YWHAQ: variants seen among roughly 807,000 people sequenced by gnomAD.
YWHAQ encodes the protein 14-3-3 protein theta.
Under a neutral mutation model 28.3 loss-of-function variants are expected in YWHAQ, and 6 were observed. The observed-to-expected ratio is 0.21, with a 90% CI of 0.12 to 0.42. YWHAQ has a LOEUF of 0.42. Among genes scored for constraint, YWHAQ ranks in the 10% least tolerant of loss-of-function variants. YWHAQ has a pLI of 1.00. For synonymous variants in YWHAQ, 143 were observed against 119.1 expected (o/e 1.20, Z -1.31); for missense variants, 201 against 305.6 (o/e 0.66, Z 2.55).
At chr2:9,616,004 G>A (rs913876608) in intron 2 of YWHAQ, among the ~76,000 whole-genome samples, 1 of 152,258 alleles carries the variant, frequency 6.6e-6, no homozygotes, top group Non-Finnish European at 1.5e-5. Flanking sequence ...ACTATAGAAC[G>A]TAATAGTACC....
intron 2 of YWHAQ, among the ~76,000 whole-genome samples, chr2:9,593,999 A>G (rs1046203876): frequency 8.3e-5 from 12 of 143,948 alleles, no homozygotes; most frequent in Admixed American, 6.9e-4. Context: ...ACACACACAC[A>G]CGCACGCACA....
At chr2:9,592,893 A>G (rs1057161472) in intron 2 of YWHAQ, among the ~76,000 whole-genome samples, 1 of 152,240 alleles carries the variant, frequency 6.6e-6, no homozygotes, top group Admixed American at 6.5e-5. Flanking sequence ...TTAAGTACTC[A>G]GTAAATGTTA....
At chr2:9,623,955 TGAA>T (rs1320669274) in intron 2 of YWHAQ, among the ~76,000 whole-genome samples, 1 of 152,108 alleles carries the variant, frequency 6.6e-6, no homozygotes, top group Non-Finnish European at 1.5e-5. Context: ...GAGACAACTA[TGAA>T]GAAGTGGCAC....
rs774523757 is a variant in YWHAQ, at chr2:9,587,494, T to C, written c.598A>G (p.Ile200Val). Reference sequence around the variant, plus strand: ...TCATTCAGTGTATCAAGTTCAGCAATGGCCTCATCAAAAGCCTGATAAATA... The same window carrying C: ...TCATTCAGTGTATCAAGTTCAGCAACGGCCTCATCAAAAGCCTGATAAATA... The part of the protein sequence containing the change: ...TLAKTAFDEA[I>V]AELDTLNEDS... Residue 200 changes from isoleucine to valine, a missense_variant, in exon 5 of 6, where the codon ATT (isoleucine) becomes GTT (valine). Transcript: ENST00000238081. 2.4e-5 allele frequency: 38 copies of C among 1,604,196 alleles called. No homozygotes were observed. The highest frequency in any genetic ancestry group is 3.1e-5 in the Non-Finnish European group (36 of 1,174,512).
chr2:9,600,512 C>A (rs1198041591), intron 2 of YWHAQ, among the ~76,000 whole-genome samples: 1 of 151,998 alleles, frequency 6.6e-6, no homozygotes, highest in Non-Finnish European at 1.5e-5. Flanking sequence ...TCAAGACCAG[C>A]CTGACCAACA....
intron 2 of YWHAQ, among the ~76,000 whole-genome samples, chr2:9,611,149 C>CA (rs1666939819): frequency 6.6e-6 from 1 of 152,072 alleles, no homozygotes; most frequent in Non-Finnish European, 1.5e-5. Context: ...CTGAAGGATC[C>CA]AATGTACAGT....
chr2:9,624,558 T>C (rs11674917), intron 2 of YWHAQ, among the ~76,000 whole-genome samples: 7 of 152,046 alleles, frequency 4.6e-5, no homozygotes, highest in Non-Finnish European at 5.9e-5. Flanking sequence ...GAGTGTCCTG[T>C]GCACCGCATG....
At chr2:9,625,384 T>C (rs1277311533) in intron 2 of YWHAQ, among the ~76,000 whole-genome samples, 1 of 152,130 alleles carries the variant, frequency 6.6e-6, no homozygotes, top group Non-Finnish European at 1.5e-5. Context: ...TATAAGAAAG[T>C]CTTCAATATT....
intron 2 of YWHAQ, among the ~76,000 whole-genome samples, chr2:9,618,674 A>AT (rs34048944): frequency 0.2 from 26,626 of 134,574 alleles, 2,822 homozygotes; most frequent in Middle Eastern, 0.27. Flanking sequence ...CACTGTTTTG[A>AT]TTTTTTTTTT....
At chr2:9,604,213 A>T (rs534328100) in intron 2 of YWHAQ, among the ~76,000 whole-genome samples, 183 of 152,210 alleles carry the variant, frequency 1.2e-3, no homozygotes, top group African/African-American at 4.1e-3. Flanking sequence ...AGTTAGAAGA[A>T]TTTTTCTTAA....
intron 2 of YWHAQ, among the ~76,000 whole-genome samples, chr2:9,602,903 A>ATAT (rs1666744884): frequency 1.9e-4 from 21 of 111,076 alleles, no homozygotes; most frequent in Middle Eastern, 4.3e-3. Context: ...ATATATATAT[A>ATAT]GTAGGGACAC....
intron 2 of YWHAQ, among the ~76,000 whole-genome samples, chr2:9,606,533 G>T (rs1666832162): frequency 6.6e-6 from 1 of 152,198 alleles, no homozygotes; most frequent in Non-Finnish European, 1.5e-5. Context: ...CTGTGTGTGT[G>T]TGTGTATATT....
Position 9,587,460 on chromosome 2 carries a change from T to C in YWHAQ, c.632A>G (p.Tyr211Cys), listed in dbSNP as rs773765562. The C allele has an allele frequency of 1.2e-6, 2 of 1,611,880 alleles. No homozygotes were observed. Among genetic ancestry groups the C allele is most frequent in the Admixed American group, 1.7e-5 (1 of 59,940 alleles). Reference protein sequence around the residue: ...AELDTLNEDSYKDSTLIMQLL... With the variant: ...AELDTLNEDSCKDSTLIMQLL... Reference sequence around the variant, plus strand: ...CTGCATGATGAGGGTGCTGTCTTTGTATGAGTCTTCATTCAGTGTATCAAG... The same window carrying C: ...CTGCATGATGAGGGTGCTGTCTTTGCATGAGTCTTCATTCAGTGTATCAAG... Residue 211 changes from tyrosine to cysteine, a missense_variant, in exon 5 of 6, where the codon TAC (tyrosine) becomes TGC (cysteine). Tyr to Cys is a radical substitution (Grantham distance 194). Around this residue, in one of 2 missense-constraint regions of YWHAQ, gnomAD observed 39 missense variants for 91.7 expected, o/e 0.43. Coordinates refer to ENST00000238081, the MANE Select transcript of YWHAQ (RefSeq NM_006826.4).
At position 9,630,082 on chromosome 2, in the gene YWHAQ, T is replaced by C; in HGVS notation, c.294+77A>G. The C allele has an allele frequency of 6.5e-7, 1 of 1,545,546 alleles. No homozygotes were observed. ...AGTCCGGCAAGCCCCGGCTCACGTT[T>C]GTTTCCGTGCCCGCGAAACTCTCAA... On this transcript the variant is annotated intron_variant, in intron 2 of 5. Coordinates refer to ENST00000238081, the MANE Select transcript of YWHAQ (RefSeq NM_006826.4). This position sits in a 1 kb window ranked among gnomAD's most constrained non-coding sequence, Gnocchi z 5.6.
At chr2:9,620,961 G>A (rs148920012) in intron 2 of YWHAQ, among the ~76,000 whole-genome samples, 57 of 152,208 alleles carry the variant, frequency 3.7e-4, no homozygotes, top group African/African-American at 1.3e-3. Flanking sequence ...TATAGTCTGG[G>A]AACCCCTAGA....
intron 2 of YWHAQ, among the ~76,000 whole-genome samples, chr2:9,621,190 G>A (rs1667136096): frequency 6.6e-6 from 1 of 152,136 alleles, no homozygotes; most frequent in Non-Finnish European, 1.5e-5. Context: ...AAGGGGTCCT[G>A]AGATCAAATT....
Position 9,630,151 on chromosome 2 carries a change from G to T in YWHAQ, c.294+8C>A. ...AGGCCTCCCCTGCTCCCCGCGCCGA[G>T]GACTCACCAGCACCGTGGTGCAGAT... On this transcript the variant is annotated splice_region_variant and intron_variant, in intron 2 of 5. Coordinates refer to ENST00000238081, the MANE Select transcript of YWHAQ (RefSeq NM_006826.4). The surrounding 1 kb of genome is among the most constrained non-coding windows in gnomAD (Gnocchi z 5.6). 1 of 1,604,914 alleles carries T rather than the reference G, an allele frequency of 6.2e-7. No individual in the cohort carries two copies. The highest frequency in any genetic ancestry group is 8.5e-7 in the Non-Finnish European group (1 of 1,173,078).
chr2:9,591,762 CA>C (rs1489840984), intron 2 of YWHAQ, among the ~76,000 whole-genome samples: 2 of 152,146 alleles, frequency 1.3e-5, no homozygotes, highest in East Asian at 1.9e-4. Context: ...TAGATTACAC[CA>C]AACATTGTAA....
intron 2 of YWHAQ, among the ~76,000 whole-genome samples, chr2:9,616,566 C>T (rs1667045099): frequency 6.7e-6 from 1 of 148,462 alleles, no homozygotes; most frequent in Non-Finnish European, 1.5e-5. Context: ...GTCTAGTATC[C>T]ATAATATATT....
Sources: allele counts gnomAD v4.1 joint callset (sites outside exome capture counted in the v4.1 genomes callset), GRCh38; gene constraint gnomAD v4.1.1; regional missense constraint gnomAD v4.1.1; non-coding constraint Gnocchi (gnomAD v3.1); transcripts MANE v1.5; gene names NCBI Gene and HGNC (gene_info 2026-07-23, HGNC 2026-07-21).